The following FLT4 variants were observed in gnomAD, a reference collection of about 807,000 sequenced individuals.
FLT4 encodes fms related receptor tyrosine kinase 4.
A neutral mutation model predicts 163.2 loss-of-function variants in FLT4; 30 were observed. The ratio of observed to expected loss-of-function variants is 0.18; its 90% confidence interval spans 0.14 to 0.25. FLT4 has a LOEUF of 0.25. FLT4 is among the 10% of genes least tolerant of loss of function. The pLI is 1.00. For missense variants in FLT4, 1,510 were observed against 1,863.8 expected (o/e 0.81, Z 3.50); for synonymous variants, 884 against 789.5 (o/e 1.12, Z -2.01).
chr5:180,644,584 A>AC (rs1193328084), intron 1 of FLT4, among the ~76,000 whole-genome samples: 1 of 152,210 alleles, frequency 6.6e-6, no homozygotes, highest in African/African-American at 2.4e-5. Context: ...TCTATTATCT[A>AC]GAGAGCCGTT....
In FLT4 at chr5:180,620,312, C is replaced by T. The variant is rs1375794203; in HGVS notation, c.2407-4G>A. 1.2e-6 allele frequency: 2 copies of T among 1,610,114 alleles called. No individual in the cohort carries two copies. Among genetic ancestry groups the T allele is most frequent in the Non-Finnish European group, 1.7e-6 (2 of 1,179,838 alleles). ...TCTTGATGTCTGCGTGGGCCGGCTG[C>T]GGGGAGGGGACAGGGAGGAGTGGGG... On this transcript the variant is annotated splice_polypyrimidine_tract_variant and splice_region_variant and intron_variant, in intron 16 of 29. Transcript: ENST00000261937. This position sits in a 1 kb window ranked among gnomAD's most constrained non-coding sequence, Gnocchi z 4.4.
At chr5:180,649,060 C>T (rs2127878388) in intron 1 of FLT4, among the ~76,000 whole-genome samples, 1 of 152,154 alleles carries the variant, frequency 6.6e-6, no homozygotes, top group African/African-American at 2.4e-5. Context: ...AGTGCGCACC[C>T]AAGTCCGGGG....
Position 180,629,677 on chromosome 5 carries a change from G to C in FLT4, c.816+19C>G. On this transcript the variant is annotated intron_variant, in intron 6 of 29. Transcript: ENST00000261937. Reference sequence around the variant, plus strand: ...GGACTCCTGGGGACAGGACAGCCTGGCAGCGCTGCTGACCTCACCTGCTTC... The same window carrying C: ...GGACTCCTGGGGACAGGACAGCCTGCCAGCGCTGCTGACCTCACCTGCTTC... The C allele has an allele frequency of 1.2e-6, 2 of 1,608,670 alleles. No individual in the cohort carries two copies. Among genetic ancestry groups the C allele is most frequent in the Non-Finnish European group, 1.7e-6 (2 of 1,178,174 alleles).
chr5:180,650,044 G>A (rs1275535788), upstream of FLT4, among the ~76,000 whole-genome samples: 1 of 150,990 alleles, frequency 6.6e-6, no homozygotes, highest in Non-Finnish European at 1.5e-5. Context: ...ATAATACGCC[G>A]AGCTTGGTTG....
chr5:180,647,199 C>G (rs925604454), intron 1 of FLT4, among the ~76,000 whole-genome samples: 4 of 152,194 alleles, frequency 2.6e-5, no homozygotes, highest in African/African-American at 2.4e-5. Context: ...TGCCAATGGC[C>G]TCTCTCTAGA....
At chr5:180,649,450 C>T (rs1437474475) in intron 1 of FLT4, 38 bp downstream of exon 1, 2 of 1,431,960 alleles carry the variant, frequency 1.4e-6, no homozygotes, top group Non-Finnish European at 1.8e-6. Flanking sequence ...CCCCGGCCAG[C>T]CCCACGCTCG....
At chr5:180,618,582 G>GA (rs1762855637) in intron 21 of FLT4, among the ~76,000 whole-genome samples, 188 bp downstream of exon 21, 1 of 152,222 alleles carries the variant, frequency 6.6e-6, no homozygotes, top group Non-Finnish European at 1.5e-5. Flanking sequence ...TTCAGCCTCT[G>GA]ATGACCCAGT....
chr5:180,619,218 G>A (rs777385151), intron 19 of FLT4, 35 bp downstream of exon 19: 7 of 1,521,794 alleles, frequency 4.6e-6, no homozygotes. Context: ...CCGCGCCCGG[G>A]GTCTCGCCGT....
Position 180,625,877 on chromosome 5 carries a change from C to T in FLT4, c.1413G>A (p.Gln471=), listed in dbSNP as rs756650010. The T allele has an allele frequency of 1.9e-6, 3 of 1,611,504 alleles. No homozygotes were observed. Among genetic ancestry groups the T allele is most frequent in the Admixed American group, 3.3e-5 (2 of 59,978 alleles). The stretch of plus-strand genomic sequence containing the variant: ...GCTGGAGCTGTACTCACAGACTACG[C>T]TGGGCAAACATCTTGCAGGGTGTCC... ...RPWTPCKMFA[Q]RSLRRRQQQD... Residue 471 remains glutamine (Q), a synonymous_variant, in exon 10 of 30, where the codon CAG becomes CAA. Transcript: ENST00000261937.
intron 21 of FLT4, among the ~76,000 whole-genome samples, chr5:180,618,076 AC>A (rs1762806340): frequency 2.7e-5 from 1 of 37,578 alleles, no homozygotes; most frequent in Admixed American, 2.4e-4. Flanking sequence ...CCCACGTCCT[AC>A]TCCCAGAGCA....
intron 1 of FLT4, among the ~76,000 whole-genome samples, chr5:180,632,392 C>A (rs1581685586): frequency 1.3e-5 from 2 of 151,916 alleles, no homozygotes; most frequent in East Asian, 3.9e-4. Flanking sequence ...ACCCTGCTGG[C>A]TGCCCCAGCC....
At chr5:180,621,447 A>C in intron 13 of FLT4, 95 bp downstream of exon 13, 2 of 1,543,168 alleles carry the variant, frequency 1.3e-6, no homozygotes, top group East Asian at 2.3e-5. Context: ...AGGGCTGTGA[A>C]TAGACCTCCC....
At chr5:180,648,391 C>A (rs1028111916) in intron 1 of FLT4, among the ~76,000 whole-genome samples, 1 of 152,220 alleles carries the variant, frequency 6.6e-6, no homozygotes, top group Non-Finnish European at 1.5e-5. Context: ...GGGGAAGTGA[C>A]ACATGTCCTT....
intron 17 of FLT4, 93 bp from the exon 18 acceptor site, chr5:180,619,862 G>C: frequency 1.1e-6 from 1 of 923,382 alleles, no homozygotes; most frequent in Non-Finnish European, 1.7e-6. Context: ...AGGTCCAGGA[G>C]GACAGGCCTG....
intron 1 of FLT4, among the ~76,000 whole-genome samples, chr5:180,649,189 G>A (rs1225555723): frequency 6.6e-6 from 1 of 151,898 alleles, no homozygotes; most frequent in East Asian, 1.9e-4. Context: ...GCAGGGCCCG[G>A]CTCCGAGGAC....
chr5:180,634,897 G>T (rs1764458603), intron 1 of FLT4, among the ~76,000 whole-genome samples: 1 of 51,618 alleles, frequency 1.9e-5, no homozygotes, highest in Non-Finnish European at 4.1e-5. Context: ...TGGATGCATG[G>T]ATGGATGGAA....
At chr5:180,647,545 C>T (rs991119714) in intron 1 of FLT4, among the ~76,000 whole-genome samples, 2 of 151,950 alleles carry the variant, frequency 1.3e-5, no homozygotes, top group Admixed American at 6.6e-5. Context: ...CTGCTCCCAC[C>T]GGACCAGCTG....
rs573813758 is a variant in FLT4, at chr5:180,616,442, G to C, written c.3144C>G (p.Ser1048Arg). 1 of 1,613,952 alleles carries C rather than the reference G, an allele frequency of 6.2e-7. No individual in the cohort carries two copies. Among genetic ancestry groups the C allele is most frequent in the South Asian group, 1.1e-5 (1 of 91,080 alleles). ...LAARNILLSESDVVKICDFGL... is the reference protein window; with the variant it reads ...LAARNILLSERDVVKICDFGL... Reference sequence around the variant, plus strand: ...CAAAGTCACAGATCTTCACCACGTCGCTTTCCGACAGCAGAATGTTCCGAG... The same window carrying C: ...CAAAGTCACAGATCTTCACCACGTCCCTTTCCGACAGCAGAATGTTCCGAG... The change falls in exon 23 of 30, where the codon AGC becomes AGG. Residue 1048 changes from serine to arginine, a missense_variant. Ser to Arg is a moderately radical substitution (Grantham distance 110). This residue lies in a region of FLT4 where 878 missense variants were observed against 1,016.7 expected (regional missense o/e 0.86). Coordinates refer to ENST00000261937, the MANE Select transcript of FLT4 (RefSeq NM_182925.5).
At chr5:180,606,251 T>A (rs1466249103) in intron 29 of FLT4, among the ~76,000 whole-genome samples, 1 of 151,908 alleles carries the variant, frequency 6.6e-6, no homozygotes, top group Non-Finnish European at 1.5e-5. Flanking sequence ...GGAACTTTCT[T>A]CTTCCTCTAC....
Sources: gnomAD v4.1 joint callset for allele counts (sites outside exome capture counted in the v4.1 genomes callset) on GRCh38, gnomAD v4.1.1 for gene constraint, gnomAD v4.1.1 regional missense constraint, Gnocchi (gnomAD v3.1) non-coding constraint, MANE v1.5 for transcripts, NCBI Gene and HGNC (gene_info 2026-07-23, HGNC 2026-07-21) for gene names.